PDE11A: variants seen among roughly 807,000 people sequenced by gnomAD.
PDE11A encodes dual 3',5'-cyclic-AMP and -GMP phosphodiesterase 11A.
A neutral mutation model predicts 100.5 loss-of-function variants in PDE11A; 100 were observed. The ratio of observed to expected loss-of-function variants is 1.00; its 90% confidence interval spans 0.85 to 1.18. The LOEUF is 1.18. Ranked by LOEUF, PDE11A falls within the 50% of genes most tolerant of loss-of-function variation. PDE11A has a pLI of 0.00. For synonymous variants in PDE11A, 381 were observed against 420.8 expected (o/e 0.91, Z 1.16); for missense variants, 1,141 against 1,152.6 (o/e 0.99, Z 0.15).
chr2:177,914,613 A>T (rs2084926480), intron 2 of PDE11A, among the ~76,000 whole-genome samples: 1 of 152,106 alleles, frequency 6.6e-6, no homozygotes, highest in African/African-American at 2.4e-5. Flanking sequence ...ATGATTCCCC[A>T]CTTACCCAGC....
intron 10 of PDE11A, among the ~76,000 whole-genome samples, chr2:177,732,088 C>T (rs2081700589): frequency 6.6e-6 from 1 of 152,104 alleles, no homozygotes; most frequent in Non-Finnish European, 1.5e-5. Flanking sequence ...AGAGGGAAGC[C>T]AGCCTTTGGT....
At chr2:178,026,696 A>T (rs1397207938) in intron 1 of PDE11A, among the ~76,000 whole-genome samples, 1 of 152,144 alleles carries the variant, frequency 6.6e-6, no homozygotes, top group Non-Finnish European at 1.5e-5. Context: ...GTAATTTTTT[A>T]AAATCTGCTT....
intron 15 of PDE11A, among the ~76,000 whole-genome samples, chr2:177,694,173 G>A (rs978154770): frequency 6.6e-5 from 10 of 152,212 alleles, no homozygotes; most frequent in Admixed American, 4.6e-4. Context: ...ATGAGAAAAC[G>A]AGTTGCAACC....
chr2:177,816,439 C>T (rs2083040733), intron 9 of PDE11A, among the ~76,000 whole-genome samples: 1 of 142,748 alleles, frequency 7.0e-6, no homozygotes, highest in African/African-American at 2.8e-5. Flanking sequence ...CCATCTAGGT[C>T]ATATATCCTT....
intron 10 of PDE11A, among the ~76,000 whole-genome samples, chr2:177,746,504 G>T (rs898141262): frequency 3.3e-5 from 5 of 152,124 alleles, no homozygotes; most frequent in Non-Finnish European, 7.4e-5. Flanking sequence ...CCATACTCAG[G>T]CATATTCTGA....
chr2:177,677,062 C>T (rs1209488255), intron 16 of PDE11A, among the ~76,000 whole-genome samples: 1 of 152,194 alleles, frequency 6.6e-6, no homozygotes, highest in Non-Finnish European at 1.5e-5. Context: ...AGCAAATAAT[C>T]TCTATGAGGT....
chr2:178,103,407 G>C (rs979436739), intron 2 of PDE11A, among the ~76,000 whole-genome samples: 2 of 152,056 alleles, frequency 1.3e-5, no homozygotes, highest in Non-Finnish European at 2.9e-5. Flanking sequence ...AGTTGTTCTG[G>C]AGTGATAAAA....
chr2:178,072,451 T>C lies in PDE11A; in HGVS notation c.-14A>G, dbSNP rs770950167. On this transcript the variant is annotated 5_prime_UTR_variant, in exon 1 of 20. Transcript: ENST00000286063. ...GGAGGCTGCCATGGTCCCAGACAGC[T>C]TTCCTTGCCTGTTTACACGTGAACC... The C allele has an allele frequency of 6.2e-7, 1 of 1,613,012 alleles. No homozygotes were observed. Among genetic ancestry groups the C allele is most frequent in the Non-Finnish European group, 8.5e-7 (1 of 1,180,024 alleles).
chr2:177,889,385 A>G (rs567077596), intron 4 of PDE11A, among the ~76,000 whole-genome samples: 6 of 152,362 alleles, frequency 3.9e-5, no homozygotes, highest in African/African-American at 1.4e-4. Context: ...AGTGCTAAGC[A>G]GTCGGTATCA....
In PDE11A at chr2:177,980,565, T is replaced by C. The variant is rs151214227; in HGVS notation, c.1071+33737A>G. On this transcript the variant is annotated intron_variant, in intron 2 of 19. Coordinates refer to ENST00000286063, the MANE Select transcript of PDE11A (RefSeq NM_016953.4). ...AGTTTTAGCCCAGGTTCAGTGTCTCTGACATCTACACAATTCAATGCAGAT... is the reference window on the plus strand; with the variant it reads ...AGTTTTAGCCCAGGTTCAGTGTCTCCGACATCTACACAATTCAATGCAGAT... 1.0e-3 allele frequency among the ~76,000 whole-genome samples: 152 copies of C among 149,384 alleles called. 3 individuals are homozygous for C. Among genetic ancestry groups the C allele is most frequent in the African/African-American group, 3.4e-3 (141 of 41,048 alleles).
At chr2:177,785,852 C>T (rs1284421218) in intron 9 of PDE11A, among the ~76,000 whole-genome samples, 2 of 152,202 alleles carry the variant, frequency 1.3e-5, no homozygotes, top group African/African-American at 4.8e-5. Context: ...CCACCATTGC[C>T]CAGACTTGCT....
At chr2:177,764,568 T>C (rs749063950) in intron 10 of PDE11A, among the ~76,000 whole-genome samples, 1 of 152,224 alleles carries the variant, frequency 6.6e-6, no homozygotes, top group Non-Finnish European at 1.5e-5. Context: ...TCTTATGTTA[T>C]CACAGCTGGC....
At chr2:178,050,541 G>A (rs576726012) in intron 1 of PDE11A, among the ~76,000 whole-genome samples, 1 of 151,848 alleles carries the variant, frequency 6.6e-6, no homozygotes, top group South Asian at 2.1e-4. Context: ...TCAGAAGATC[G>A]GTAATAACAA....
chr2:177,822,924 G>C (rs953364957), intron 6 of PDE11A, among the ~76,000 whole-genome samples: 8 of 152,028 alleles, frequency 5.3e-5, no homozygotes, highest in African/African-American at 1.9e-4. Flanking sequence ...TATTAAATTT[G>C]TTTCCATCAA....
chr2:177,651,742 CGAT>C (rs1250250813), intron 19 of PDE11A, among the ~76,000 whole-genome samples: 5 of 151,944 alleles, frequency 3.3e-5, no homozygotes, highest in African/African-American at 1.2e-4. Flanking sequence ...AACCTAAATT[CGAT>C]GATGATATAT....
intron 1 of PDE11A, among the ~76,000 whole-genome samples, chr2:178,035,236 A>T (rs2086597269): frequency 6.6e-6 from 1 of 152,206 alleles, no homozygotes; most frequent in South Asian, 2.1e-4. Flanking sequence ...CCATCAGAGA[A>T]TACTACAAAC....
intron 1 of PDE11A, among the ~76,000 whole-genome samples, chr2:178,053,159 A>T (rs1488908816): frequency 6.6e-6 from 1 of 152,256 alleles, no homozygotes; most frequent in Non-Finnish European, 1.5e-5. Context: ...CAGAAAGCTT[A>T]TCCACCATGA....
chr2:177,986,981 T>C (rs2085947922), intron 2 of PDE11A, among the ~76,000 whole-genome samples: 1 of 152,190 alleles, frequency 6.6e-6, no homozygotes, highest in African/African-American at 2.4e-5. Context: ...CTAAATATAA[T>C]ACTTAGTGTC....
chr2:177,805,981 T>G (rs1182151390), intron 9 of PDE11A, among the ~76,000 whole-genome samples: 1 of 152,168 alleles, frequency 6.6e-6, no homozygotes, highest in Non-Finnish European at 1.5e-5. Context: ...TGCTTCCATA[T>G]CTGGGACCAA....
Sources: gnomAD v4.1 joint callset for allele counts (sites outside exome capture counted in the v4.1 genomes callset) on GRCh38, gnomAD v4.1.1 for gene constraint, MANE v1.5 for transcripts, NCBI Gene and HGNC (gene_info 2026-07-23, HGNC 2026-07-21) for gene names.